FRA10AC1: variants seen among roughly 807,000 people sequenced by gnomAD.
The protein encoded by FRA10AC1 is FRA10A associated CGG repeat 1.
FRA10AC1 carries 43 observed loss-of-function variants against 56.5 expected under a neutral mutation model. The observed-to-expected ratio is 0.76, with a 90% CI of 0.60 to 0.98. The LOEUF is 0.98. FRA10AC1 is among the 50% of genes least tolerant of loss of function. FRA10AC1 has a pLI of 0.00. For missense variants in FRA10AC1, 346 were observed against 351.8 expected, an observed-to-expected ratio of 0.98 and a Z score of 0.13; for synonymous variants, 112 against 110.5, an observed-to-expected ratio of 1.01 and a Z score of -0.09.
At chr10:93,686,551 A>G (rs1444949182) in intron 8 of FRA10AC1, among the ~76,000 whole-genome samples, 3 of 151,824 alleles carry the variant, frequency 2.0e-5, no homozygotes, top group Non-Finnish European at 3.0e-5. Flanking sequence ...AACCCTAAGA[A>G]AAGTTAAAAT....
intron 5 of FRA10AC1, 40 bp downstream of exon 5, chr10:93,694,821 T>A (rs764476261): frequency 2.4e-5 from 25 of 1,050,836 alleles, no homozygotes; most frequent in Non-Finnish European, 3.4e-5. Context: ...AAGTTTCCCA[T>A]AACCCACATT....
intron 4 of FRA10AC1, among the ~76,000 whole-genome samples, chr10:93,695,875 G>A (rs1156275246): frequency 2.6e-5 from 4 of 151,786 alleles, no homozygotes; most frequent in East Asian, 1.9e-4. Flanking sequence ...TTCTGCAAAC[G>A]GCCAGATGGT....
Position 93,681,588 on chromosome 10 carries a change from T to C in FRA10AC1, c.679A>G (p.Ile227Val), listed in dbSNP as rs545360784. Residue 227 changes from isoleucine to valine, a missense_variant, in exon 11 of 14, where the codon ATC (isoleucine) becomes GTC (valine). Coordinates refer to ENST00000359204, the MANE Select transcript of FRA10AC1 (RefSeq NM_145246.5). Reference protein sequence around the residue: ...KLNFHHRRKEIKSKKRKDKTK... With the variant: ...KLNFHHRRKEVKSKKRKDKTK... ...TTATCTTTTCTTTTTTTTGACTTGA[T>C]TTCTTTTCTCCTTTGTGTTAAACAA... is the stretch of plus-strand genomic sequence containing the variant. The C allele has an allele frequency of 4.6e-6, 7 of 1,530,476 alleles. No homozygotes were observed. The East Asian group carries it at 1.2e-4, about 26-fold the overall frequency. 94.8% of individuals were successfully genotyped at this position (1,530,476 alleles called of 1,614,324 possible).
Position 93,677,394 on chromosome 10 carries a change from C to G in FRA10AC1, c.788-703G>C, listed in dbSNP as rs117469954. Among the ~76,000 whole-genome samples, 174 of 152,202 alleles carry G rather than the reference C, an allele frequency of 1.1e-3. 2 individuals carry two copies. The East Asian group carries it at 0.031, about 27-fold the overall frequency. On this transcript the variant is annotated intron_variant, in intron 11 of 13. Transcript: ENST00000359204. ...AGGCCTCGTAACCCAAAGTTTTTGG[C>G]CCCTTTAGACCAGATGAAGAGTATA...
chr10:93,671,110 A>C, intron 12 of FRA10AC1: 1 of 350,542 alleles, frequency 2.9e-6, no homozygotes, highest in Non-Finnish European at 5.3e-6. Flanking sequence ...TTAAAGTAGC[A>C]ATTCCAATAT....
chr10:93,687,606 G>A, intron 7 of FRA10AC1, 157 bp from the exon 8 acceptor site: 2 of 674,644 alleles, frequency 3.0e-6, no homozygotes, highest in Non-Finnish European at 4.6e-6. Context: ...AAAATACATT[G>A]AACAATCACC....
chr10:93,684,068 T>C lies in FRA10AC1; in HGVS notation c.656A>G (p.Asn219Ser), dbSNP rs1463100071. ...RLCQECSIKL[N>S]FHHRRKEIKS... ...TAAAAGACATTACCTGTGATGGAAA[T>C]TTAATTTAATGGAACATTCTTGGCA... Residue 219 changes from asparagine to serine, a missense_variant, in exon 10 of 14, where the codon AAT becomes AGT. Transcript: ENST00000359204. 1.9e-6 allele frequency: 3 copies of C among 1,605,870 alleles called. No homozygotes were observed. Among genetic ancestry groups the C allele is most frequent in the Non-Finnish European group, 2.6e-6 (3 of 1,173,228 alleles).
chr10:93,671,881 T>A (rs1225196310), intron 12 of FRA10AC1: 1 of 355,744 alleles, frequency 2.8e-6, no homozygotes, highest in Non-Finnish European at 5.4e-6. Context: ...ATTGTTTGTA[T>A]TTTAAACAAT....
chr10:93,686,763 C>T (rs1437443639), intron 8 of FRA10AC1, among the ~76,000 whole-genome samples: 1 of 151,676 alleles, frequency 6.6e-6, no homozygotes, highest in Non-Finnish European at 1.5e-5. Context: ...GTTTTCAGTA[C>T]TTTAACACTT....
At chr10:93,700,130 T>C in intron 1 of FRA10AC1, 24 bp from the exon 2 acceptor site, 2 of 1,368,706 alleles carry the variant, frequency 1.5e-6, no homozygotes, top group Non-Finnish European at 2.0e-6. Flanking sequence ...CAAAGTCAGC[T>C]ATTTAGAATC....
chr10:93,701,678 G>A (rs985564983), intron 1 of FRA10AC1, among the ~76,000 whole-genome samples: 1 of 152,060 alleles, frequency 6.6e-6, no homozygotes, highest in East Asian at 1.9e-4. Flanking sequence ...TTACACACCT[G>A]GATTTTACAC....
At chr10:93,694,622 G>T (rs1477025906) in intron 5 of FRA10AC1, among the ~76,000 whole-genome samples, 1 of 149,744 alleles carries the variant, frequency 6.7e-6, no homozygotes, top group African/African-American at 2.5e-5. Context: ...CCTGAGGTAG[G>T]AGAATCGCTT....
At chr10:93,694,481 C>A (rs1024336599) in intron 5 of FRA10AC1, among the ~76,000 whole-genome samples, 2 of 151,756 alleles carry the variant, frequency 1.3e-5, no homozygotes. Flanking sequence ...TTTGGGAGGC[C>A]AAGACAGGTG....
At chr10:93,671,015 T>G (rs1233069437) in intron 12 of FRA10AC1, 167 bp from the exon 13 acceptor site, 2 of 550,194 alleles carry the variant, frequency 3.6e-6, no homozygotes, top group South Asian at 4.7e-5. Context: ...AAAACATATA[T>G]AAATAAGCCA....
chr10:93,697,390 T>C (rs1402831957), intron 4 of FRA10AC1, among the ~76,000 whole-genome samples: 1 of 152,188 alleles, frequency 6.6e-6, no homozygotes, highest in Admixed American at 6.5e-5. Context: ...AATAGCACAG[T>C]GAAACAGATG....
intron 7 of FRA10AC1, among the ~76,000 whole-genome samples, chr10:93,689,678 T>C (rs898933767): frequency 4.6e-5 from 7 of 152,208 alleles, no homozygotes; most frequent in Non-Finnish European, 1.0e-4. Context: ...AAATAATAAA[T>C]GTAACAAAAC....
Position 93,698,284 on chromosome 10 carries a change from A to T in FRA10AC1, c.173+17T>A. On this transcript the variant is annotated intron_variant, in intron 3 of 13. Transcript: ENST00000359204. ...CAACTTAAACCAAGAAATAGAATTG[A>T]CACTGAAATACCATACCTATCCAGC... 6.4e-7 allele frequency: 1 copy of T among 1,560,818 alleles called. No individual in the cohort carries two copies. Among genetic ancestry groups the T allele is most frequent in the Non-Finnish European group, 8.8e-7 (1 of 1,133,666 alleles).
intron 8 of FRA10AC1, among the ~76,000 whole-genome samples, chr10:93,685,728 T>A (rs2133917282): frequency 6.6e-6 from 1 of 150,876 alleles, no homozygotes; most frequent in African/African-American, 2.4e-5. Context: ...TACTCACAAA[T>A]ACCCCCCCCA....
chr10:93,701,863 C>A (rs530925107), intron 1 of FRA10AC1, among the ~76,000 whole-genome samples: 4 of 151,942 alleles, frequency 2.6e-5, no homozygotes, highest in African/African-American at 9.7e-5. Context: ...TCTGCACTTT[C>A]CATTTGTCTT....
Sources: allele counts gnomAD v4.1 joint callset (sites outside exome capture counted in the v4.1 genomes callset), GRCh38; gene constraint gnomAD v4.1.1; transcripts MANE v1.5; gene names NCBI Gene and HGNC (gene_info 2026-07-23, HGNC 2026-07-21).